CSMD3: variants seen among roughly 807,000 people sequenced by gnomAD.
The protein encoded by CSMD3 is CUB and sushi domain-containing protein 3.
CSMD3 carries 177 observed loss-of-function variants against 435.2 expected under a neutral mutation model. The observed-to-expected ratio is 0.41, with a 90% CI of 0.36 to 0.46. CSMD3 has a LOEUF of 0.46. Among genes scored for constraint, CSMD3 ranks in the 20% least tolerant of loss-of-function variants. The probability of loss-of-function intolerance (pLI) is 0.34; values close to 1 mark genes in which losing one functional copy is unlikely to be tolerated. For synonymous variants in CSMD3, 1,656 were observed against 1,520.5 expected (o/e 1.09, Z -2.07); for missense variants, 4,265 against 4,504.6 (o/e 0.95, Z 1.52).
intron 5 of CSMD3, among the ~76,000 whole-genome samples, chr8:113,082,383 G>C (rs1354126225): frequency 6.6e-6 from 1 of 152,126 alleles, no homozygotes; most frequent in East Asian, 1.9e-4. Flanking sequence ...CACTGAAATT[G>C]ATTACAGCTA....
intron 27 of CSMD3, among the ~76,000 whole-genome samples, chr8:112,517,716 T>C (rs776029021): frequency 6.6e-6 from 1 of 152,162 alleles, no homozygotes; most frequent in Non-Finnish European, 1.5e-5. Context: ...GAGATACTAC[T>C]ACATACATTT....
At chr8:112,777,976 T>C (rs1394749085) in intron 13 of CSMD3, among the ~76,000 whole-genome samples, 1 of 151,906 alleles carries the variant, frequency 6.6e-6, no homozygotes, top group Non-Finnish European at 1.5e-5. Flanking sequence ...ATGCTTCTAC[T>C]AACACAAAAT....
intron 23 of CSMD3, among the ~76,000 whole-genome samples, chr8:112,579,772 C>T (rs2131325202): frequency 6.6e-6 from 1 of 152,044 alleles, no homozygotes; most frequent in East Asian, 1.9e-4. Context: ...TTTATCATGT[C>T]TCTACAAGAA....
intron 44 of CSMD3, among the ~76,000 whole-genome samples, chr8:112,335,954 C>T (rs566704336): frequency 4.5e-4 from 69 of 152,018 alleles, no homozygotes; most frequent in African/African-American, 1.6e-3. Context: ...ACTCCGTTGC[C>T]CATGCTGGAG....
intron 56 of CSMD3, among the ~76,000 whole-genome samples, 168 bp downstream of exon 56, chr8:112,291,342 G>A (rs1819742976): frequency 6.6e-6 from 1 of 151,668 alleles, no homozygotes; most frequent in Admixed American, 6.6e-5. Flanking sequence ...AATTACATTT[G>A]GACATTGAAT....
At chr8:112,359,354 CA>C (rs1407481498) in intron 38 of CSMD3, among the ~76,000 whole-genome samples, 1 of 152,078 alleles carries the variant, frequency 6.6e-6, no homozygotes. Context: ...ATACTTAACA[CA>C]ATCTGATAAT....
At chr8:112,314,744 TAGA>T in intron 47 of CSMD3, 127 bp from the exon 48 acceptor site, 1 of 719,680 alleles carries the variant, frequency 1.4e-6, no homozygotes, top group South Asian at 1.5e-5. Context: ...AATTATTTGT[TAGA>T]AGAGACAAGT....
At position 113,289,349 on chromosome 8, in the gene CSMD3, T is replaced by C. The variant is rs571002315; in HGVS notation, c.402-10645A>G. Among the ~76,000 whole-genome samples the C allele has an allele frequency of 7.9e-5, 12 of 151,936 alleles. No individual in the cohort carries two copies. In the South Asian group the frequency reaches 2.3e-3, roughly 29 times the overall value. ...GTATTTGGGATAAATGTAGTATTTC[T>C]TCAAGTACATGCTATTGTGTTCTAC... On this transcript the variant is annotated intron_variant, in intron 2 of 70. Coordinates refer to ENST00000297405, the MANE Select transcript of CSMD3 (RefSeq NM_198123.2).
intron 6 of CSMD3, among the ~76,000 whole-genome samples, chr8:113,015,668 C>A (rs1448706594): frequency 2.6e-5 from 4 of 151,756 alleles, no homozygotes; most frequent in African/African-American, 9.7e-5. Flanking sequence ...TGAGATATTT[C>A]ATACTTGTAT....
chr8:112,975,234 G>A (rs1026482698), intron 7 of CSMD3, among the ~76,000 whole-genome samples: 3 of 152,026 alleles, frequency 2.0e-5, no homozygotes, highest in East Asian at 3.9e-4. Context: ...AAATTTTGGA[G>A]GCATACTATC....
intron 4 of CSMD3, among the ~76,000 whole-genome samples, chr8:113,133,783 T>G (rs753599072): frequency 6.6e-6 from 1 of 152,050 alleles, no homozygotes; most frequent in Non-Finnish European, 1.5e-5. Flanking sequence ...CATTATAAAG[T>G]GAAATAAATC....
Position 112,484,713 on chromosome 8 carries a change from C to T in CSMD3, c.5278+7776G>A, listed in dbSNP as rs140108717. ...ACAATAAAATGCAGGTTGAGCATCC[C>T]TAATTCAAAACGCAAAATCCAAAAT... On this transcript the variant is annotated intron_variant, in intron 31 of 70. Transcript: ENST00000297405. Among the ~76,000 whole-genome samples, 435 of 152,096 alleles carry T rather than the reference C, an allele frequency of 2.9e-3. 5 individuals are homozygous for T. The highest frequency in any genetic ancestry group is 9.8e-3 in the African/African-American group (407 of 41,494).
At chr8:113,112,028 C>G (rs1296765995) in intron 4 of CSMD3, among the ~76,000 whole-genome samples, 1 of 151,956 alleles carries the variant, frequency 6.6e-6, no homozygotes, top group Non-Finnish European at 1.5e-5. Flanking sequence ...CTTCTTCTTA[C>G]TCCCTAATCC....
chr8:112,787,545 A>G lies in CSMD3; in HGVS notation c.1972+12617T>C, dbSNP rs181234068. Among the ~76,000 whole-genome samples the G allele has an allele frequency of 5.1e-3, 770 of 152,286 alleles. 7 individuals carry two copies. The highest frequency in any genetic ancestry group is 0.017 in the African/African-American group (689 of 41,570). ...ACATTTGGAATCAACCTAAGTGTTC[A>G]TCAACAGATGAAGGGATAAAAAAAC... On this transcript the variant is annotated intron_variant, in intron 13 of 70. Transcript: ENST00000297405.
At chr8:113,000,836 A>C (rs557998439) in intron 6 of CSMD3, among the ~76,000 whole-genome samples, 2 of 152,168 alleles carry the variant, frequency 1.3e-5, no homozygotes, top group Admixed American at 1.3e-4. Context: ...ATAGATAATC[A>C]GAGATAATTT....
intron 13 of CSMD3, among the ~76,000 whole-genome samples, chr8:112,735,533 T>TG (rs915772365): frequency 6.6e-6 from 1 of 152,070 alleles, no homozygotes; most frequent in Non-Finnish European, 1.5e-5. Context: ...TCCAGTATTG[T>TG]GTTCTAGACT....
intron 23 of CSMD3, among the ~76,000 whole-genome samples, chr8:112,579,525 A>T (rs369370903): frequency 1.9e-4 from 29 of 152,036 alleles, no homozygotes; most frequent in Non-Finnish European, 3.5e-4. Flanking sequence ...AGAAAATTTT[A>T]AAAATTATAT....
At chr8:113,126,372 C>A (rs954461017) in intron 4 of CSMD3, among the ~76,000 whole-genome samples, 8 of 151,802 alleles carry the variant, frequency 5.3e-5, no homozygotes, top group African/African-American at 1.7e-4. Flanking sequence ...CTTGAAAATT[C>A]ATGGGCACAT....
intron 1 of CSMD3, among the ~76,000 whole-genome samples, chr8:113,410,712 T>C (rs572594260): frequency 7.0e-6 from 1 of 143,148 alleles, no homozygotes; most frequent in Non-Finnish European, 1.5e-5. Context: ...GAGTTCCAAA[T>C]AAGCCTTAGT....
Sources: gnomAD v4.1 joint callset for allele counts (sites outside exome capture counted in the v4.1 genomes callset) on GRCh38, gnomAD v4.1.1 for gene constraint, MANE v1.5 for transcripts, NCBI Gene and HGNC (gene_info 2026-07-23, HGNC 2026-07-21) for gene names.